KCNH7: variants seen among roughly 807,000 people sequenced by gnomAD.
The protein encoded by KCNH7 is voltage-gated inwardly rectifying potassium channel KCNH7.
Under a neutral mutation model 120.8 loss-of-function variants are expected in KCNH7, and 49 were observed. The ratio of observed to expected loss-of-function variants is 0.41; its 90% CI spans 0.32 to 0.51. The LOEUF (loss-of-function observed/expected upper bound fraction) is 0.51, where lower values mean the gene tolerates loss of function less well. KCNH7 is among the 20% of genes least tolerant of loss of function. The pLI is 0.38. For missense variants in KCNH7, 1,097 were observed against 1,446.6 expected (o/e 0.76, Z 3.92); for synonymous variants, 547 against 516.1 (o/e 1.06, Z -0.81).
At chr2:162,436,198 A>AAGG (rs1688231174) in intron 7 of KCNH7, among the ~76,000 whole-genome samples, 1 of 152,080 alleles carries the variant, frequency 6.6e-6, no homozygotes, top group Non-Finnish European at 1.5e-5. Flanking sequence ...GAAGACCAAG[A>AAGG]AGGGCCTTGC....
intron 12 of KCNH7, among the ~76,000 whole-genome samples, chr2:162,390,800 A>G (rs1686722789): frequency 6.6e-6 from 1 of 151,926 alleles, no homozygotes; most frequent in African/African-American, 2.4e-5. Context: ...TTTTCCTTAG[A>G]AAAAAAATGT....
chr2:162,800,293 G>A (rs1373487819), intron 2 of KCNH7, among the ~76,000 whole-genome samples: 6 of 151,482 alleles, frequency 4.0e-5, no homozygotes, highest in South Asian at 2.1e-4. Flanking sequence ...AAATAGAGAC[G>A]GGAAATATTT....
At chr2:162,746,152 A>G (rs1688309358) in intron 2 of KCNH7, among the ~76,000 whole-genome samples, 1 of 152,028 alleles carries the variant, frequency 6.6e-6, no homozygotes, top group Non-Finnish European at 1.5e-5. Context: ...CTTTTGATAT[A>G]TTGGTTTTTA....
At chr2:162,582,568 C>A (rs1368984666) in intron 2 of KCNH7, among the ~76,000 whole-genome samples, 1 of 152,072 alleles carries the variant, frequency 6.6e-6, no homozygotes, top group East Asian at 1.9e-4. Context: ...AGCTTTGAAG[C>A]CAGCCCTGCT....
chr2:162,775,312 A>G (rs1683195276), intron 2 of KCNH7, among the ~76,000 whole-genome samples: 1 of 152,180 alleles, frequency 6.6e-6, no homozygotes, highest in African/African-American at 2.4e-5. Flanking sequence ...TACATAATGT[A>G]TTTGAATTTT....
rs532532536 is a variant in KCNH7 at position 162,703,164 on chromosome 2, A to G, written c.307+133373T>C. ...TATTTTGAGATAAATCATAATAGTT[A>G]ATAATAGATATGCCACACAATAGGC... On this transcript the variant is annotated intron_variant, in intron 2 of 15. Transcript: ENST00000332142. Among the ~76,000 whole-genome samples, 50 of 152,274 alleles carry G rather than the reference A, an allele frequency of 3.3e-4. 1 individual carries two copies. Among genetic ancestry groups the G allele is most frequent in the African/African-American group, 1.2e-3 (49 of 41,562 alleles).
chr2:162,452,198 A>G (rs1047138806), intron 6 of KCNH7, among the ~76,000 whole-genome samples: 1 of 152,014 alleles, frequency 6.6e-6, no homozygotes, highest in African/African-American at 2.4e-5. Context: ...TTAGCTGTAT[A>G]TTGATTTTTA....
rs529245881 is a variant in KCNH7 at position 162,576,329 on chromosome 2, C to T, written c.308-39249G>A. Among the ~76,000 whole-genome samples, 3 of 152,148 alleles carry T rather than the reference C, an allele frequency of 2.0e-5. No homozygotes were observed. In the East Asian group the frequency reaches 5.8e-4, roughly 30 times the overall value. On this transcript the variant is annotated intron_variant, in intron 2 of 15. Transcript: ENST00000332142. Reference sequence around the variant, plus strand: ...TTCTCTGCAACTTTGCCGGTCATATCACCTTTCTAGCTTTCATTTTCTCAT... The same window carrying T: ...TTCTCTGCAACTTTGCCGGTCATATTACCTTTCTAGCTTTCATTTTCTCAT...
intron 2 of KCNH7, among the ~76,000 whole-genome samples, chr2:162,688,101 T>A (rs1471912770): frequency 6.6e-6 from 1 of 152,182 alleles, no homozygotes; most frequent in Non-Finnish European, 1.5e-5. Flanking sequence ...ATGAGAGGAA[T>A]ACAGGGCTAA....
intron 2 of KCNH7, among the ~76,000 whole-genome samples, chr2:162,712,485 A>G (rs752881326): frequency 6.6e-6 from 1 of 152,126 alleles, no homozygotes; most frequent in Non-Finnish European, 1.5e-5. Context: ...CTGCTGCATA[A>G]GAGGGGAGAA....
At chr2:162,606,927 GC>G (rs919089736) in intron 2 of KCNH7, among the ~76,000 whole-genome samples, 4 of 151,984 alleles carry the variant, frequency 2.6e-5, no homozygotes, top group Admixed American at 1.3e-4. Context: ...CATTCAAAAA[GC>G]AACTAAATTA....
chr2:162,773,108 T>C (rs1411352852), intron 2 of KCNH7, among the ~76,000 whole-genome samples: 3 of 152,206 alleles, frequency 2.0e-5, no homozygotes, highest in African/African-American at 4.8e-5. Flanking sequence ...ATGTCAGAAT[T>C]CTTCCTAGAG....
At chr2:162,710,625 T>A (rs770957705) in intron 2 of KCNH7, among the ~76,000 whole-genome samples, 3 of 152,142 alleles carry the variant, frequency 2.0e-5, no homozygotes, top group Non-Finnish European at 4.4e-5. Context: ...CGGGGAAAGT[T>A]GTATGCATGA....
intron 2 of KCNH7, among the ~76,000 whole-genome samples, chr2:162,736,034 T>A (rs960558015): frequency 1.9e-4 from 29 of 152,186 alleles, no homozygotes; most frequent in African/African-American, 7.0e-4. Flanking sequence ...CTGGTGGAAC[T>A]GATGTTGATG....
chr2:162,459,762 G>A (rs950492675), intron 6 of KCNH7, among the ~76,000 whole-genome samples: 1 of 152,074 alleles, frequency 6.6e-6, no homozygotes, highest in African/African-American at 2.4e-5. Flanking sequence ...CCATTGGTTT[G>A]GTGGCCTTTG....
At chr2:162,748,658 A>G (rs889211472) in intron 2 of KCNH7, among the ~76,000 whole-genome samples, 3 of 152,204 alleles carry the variant, frequency 2.0e-5, no homozygotes, top group African/African-American at 7.2e-5. Flanking sequence ...ACAGAATGGA[A>G]TGAATCTTCT....
chr2:162,635,993 T>G (rs1683944101), intron 2 of KCNH7, among the ~76,000 whole-genome samples: 1 of 152,056 alleles, frequency 6.6e-6, no homozygotes. Flanking sequence ...AAAGCTCACT[T>G]TACCTCTCTT....
chr2:162,411,670 A>G (rs569022795), intron 9 of KCNH7, among the ~76,000 whole-genome samples: 1 of 152,168 alleles, frequency 6.6e-6, no homozygotes, highest in Non-Finnish European at 1.5e-5. Flanking sequence ...GATTCATTTC[A>G]TGAGTGCAAG....
chr2:162,772,219 G>A (rs1198939053), intron 2 of KCNH7, among the ~76,000 whole-genome samples: 2 of 152,174 alleles, frequency 1.3e-5, no homozygotes, highest in Non-Finnish European at 2.9e-5. Flanking sequence ...GAAATGAGTT[G>A]AGGACAGACC....
Sources: gnomAD v4.1 joint callset for allele counts (sites outside exome capture counted in the v4.1 genomes callset) on GRCh38, gnomAD v4.1.1 for gene constraint, MANE v1.5 for transcripts, NCBI Gene and HGNC (gene_info 2026-07-23, HGNC 2026-07-21) for gene names.